COMMD7: variants seen among roughly 807,000 people sequenced by gnomAD.
The protein encoded by COMMD7 is COMM domain containing 7.
A neutral mutation model predicts 34.8 loss-of-function variants in COMMD7; 28 were observed. The ratio of observed to expected loss-of-function variants is 0.80; its 90% CI spans 0.60 to 1.10. The LOEUF is 1.10. Among genes scored for constraint, COMMD7 ranks in the 50% least tolerant of loss-of-function variants. COMMD7 has a pLI of 0.00. For synonymous variants in COMMD7, 80 were observed against 86.4 expected, an observed-to-expected ratio of 0.93 and a Z score of 0.41; for missense variants, 211 against 241.6, an observed-to-expected ratio of 0.87 and a Z score of 0.84.
At chr20:32,735,467 CT>C (rs1986088165) in intron 1 of COMMD7, among the ~76,000 whole-genome samples, 2 of 151,596 alleles carry the variant, frequency 1.3e-5, no homozygotes, top group African/African-American at 4.8e-5. Flanking sequence ...TAAGCGTGCA[CT>C]ACCATGCCCG....
chr20:32,725,312 A>T (rs530589034), intron 3 of COMMD7, among the ~76,000 whole-genome samples: 1 of 152,334 alleles, frequency 6.6e-6, no homozygotes, highest in African/African-American at 2.4e-5. Flanking sequence ...ATTAGTGTAC[A>T]TAAAAATATA....
intron 3 of COMMD7, among the ~76,000 whole-genome samples, chr20:32,726,973 G>C (rs549437812): frequency 2.3e-4 from 35 of 152,242 alleles, no homozygotes; most frequent in African/African-American, 7.9e-4. Flanking sequence ...GCTTATACCT[G>C]TAATCCTAGC....
At chr20:32,708,181 G>A (rs974536547) in intron 3 of COMMD7, among the ~76,000 whole-genome samples, 2 of 152,178 alleles carry the variant, frequency 1.3e-5, no homozygotes, top group Non-Finnish European at 2.9e-5. Flanking sequence ...TGAAAACAAA[G>A]CCAGCAATCT....
At chr20:32,738,460 G>A (rs1402250389) in intron 1 of COMMD7, among the ~76,000 whole-genome samples, 1 of 152,112 alleles carries the variant, frequency 6.6e-6, no homozygotes, top group Non-Finnish European at 1.5e-5. Context: ...GGTGGTGCAC[G>A]CCTGTAGTCC....
intron 1 of COMMD7, among the ~76,000 whole-genome samples, chr20:32,742,768 C>G (rs1164591586): frequency 6.6e-6 from 1 of 152,114 alleles, no homozygotes; most frequent in Non-Finnish European, 1.5e-5. Context: ...ATTACTGACA[C>G]TCATGTCACA....
intron 3 of COMMD7, among the ~76,000 whole-genome samples, chr20:32,723,078 C>CATGTTGG (rs1183292107): frequency 4.9e-5 from 2 of 40,712 alleles, no homozygotes; most frequent in African/African-American, 1.9e-4. Flanking sequence ...ACTTGTGATC[C>CATGTTGG]TCTCCCTCTC....
At chr20:32,725,465 G>A (rs1312975789) in intron 3 of COMMD7, among the ~76,000 whole-genome samples, 1 of 129,332 alleles carries the variant, frequency 7.7e-6, no homozygotes, top group Admixed American at 9.1e-5. Context: ...GTGTTGCTCC[G>A]TCGCCCAGGC....
chr20:32,739,735 T>G lies in COMMD7; in HGVS notation c.84+3573A>C, dbSNP rs1336602628. Among the ~76,000 whole-genome samples the G allele has an allele frequency of 5.3e-4, 74 of 139,420 alleles. 8 individuals are homozygous for G. Among genetic ancestry groups the G allele is most frequent in the Middle Eastern group, 7.5e-3 (2 of 266 alleles). The allele number at this position is 139,420 out of a possible 152,430, so 91.5% of individuals were successfully genotyped here. On this transcript the variant is annotated intron_variant, in intron 1 of 8. Transcript: ENST00000278980. ...CATAAGCGCTTGAAAAGGGCTAATC[T>G]GACCAGGGGTGGTGGCTCACTCCTG... is the stretch of plus-strand genomic sequence containing the variant.
At chr20:32,716,849 G>A (rs1445994772) in intron 3 of COMMD7, among the ~76,000 whole-genome samples, 1 of 145,678 alleles carries the variant, frequency 6.9e-6, no homozygotes, top group Non-Finnish European at 1.5e-5. Context: ...ATCTGGCCAT[G>A]GGTTAGTAAC....
chr20:32,722,575 T>C (rs1985235605), intron 3 of COMMD7, among the ~76,000 whole-genome samples: 1 of 151,576 alleles, frequency 6.6e-6, no homozygotes, highest in Non-Finnish European at 1.5e-5. Context: ...AATACAAAAA[T>C]TAGCCAGGCA....
chr20:32,713,749 CCTTATGAGGCTTCCATTCTA>C (rs1296059873), intron 3 of COMMD7, among the ~76,000 whole-genome samples: 2 of 152,184 alleles, frequency 1.3e-5, no homozygotes, highest in African/African-American at 4.8e-5. Context: ...CAATCTCTGC[CCTTATGAGGCTTCCATTCTA>C]CTGGCAGGAG....
At chr20:32,730,293 G>T (rs1308205288) in intron 1 of COMMD7, among the ~76,000 whole-genome samples, 1 of 152,014 alleles carries the variant, frequency 6.6e-6, no homozygotes, top group Non-Finnish European at 1.5e-5. Flanking sequence ...GGTGGCTCAC[G>T]CATGTAATCC....
At chr20:32,725,503 A>C (rs146805913) in intron 3 of COMMD7, among the ~76,000 whole-genome samples, 3,008 of 143,262 alleles carry the variant, frequency 0.021, 117 homozygotes, top group African/African-American at 0.073. Flanking sequence ...GTCTCAGCTC[A>C]CTGCAAACTC....
intron 3 of COMMD7, among the ~76,000 whole-genome samples, chr20:32,718,528 G>A (rs1481366359): frequency 2.0e-5 from 3 of 152,036 alleles, no homozygotes; most frequent in Admixed American, 6.6e-5. Context: ...GTGAAACCCC[G>A]TTTCTACTAA....
chr20:32,730,014 A>G (rs1985749049), intron 1 of COMMD7, among the ~76,000 whole-genome samples: 1 of 152,040 alleles, frequency 6.6e-6, no homozygotes, highest in South Asian at 2.1e-4. Flanking sequence ...CTCTGTCTCA[A>G]AAAAAAGAAA....
chr20:32,713,993 A>G lies in COMMD7; in HGVS notation c.242-7233T>C, dbSNP rs144480075. Among the ~76,000 whole-genome samples, 459 of 152,166 alleles carry G rather than the reference A, an allele frequency of 3.0e-3. 2 individuals are homozygous for G. The highest frequency in any genetic ancestry group is 0.011 in the African/African-American group (448 of 41,542). Reference sequence around the variant, plus strand: ...CTGAGCGTGGTGGTGAGCGCCTGTAATCGCAGCTACTTGGGAGGCTGAGGC... The same window carrying G: ...CTGAGCGTGGTGGTGAGCGCCTGTAGTCGCAGCTACTTGGGAGGCTGAGGC... On this transcript the variant is annotated intron_variant, in intron 3 of 8. Coordinates refer to ENST00000278980, the MANE Select transcript of COMMD7 (RefSeq NM_053041.3).
intron 1 of COMMD7, among the ~76,000 whole-genome samples, chr20:32,742,816 G>C (rs1986515380): frequency 6.6e-6 from 1 of 151,994 alleles, no homozygotes; most frequent in South Asian, 2.1e-4. Context: ...AAGCTTCCCC[G>C]GGCCCCCTCA....
chr20:32,720,811 G>T (rs1985106048), intron 3 of COMMD7, among the ~76,000 whole-genome samples: 1 of 152,098 alleles, frequency 6.6e-6, no homozygotes, highest in African/African-American at 2.4e-5. Flanking sequence ...ATAAAAAGAA[G>T]GAAAATACAG....
chr20:32,712,561 T>C (rs1984524435), intron 3 of COMMD7, among the ~76,000 whole-genome samples: 1 of 147,384 alleles, frequency 6.8e-6, no homozygotes, highest in African/African-American at 2.5e-5. Context: ...CAAACCACCA[T>C]GGCATACTAT....
Sources: gnomAD v4.1 joint callset for allele counts (sites outside exome capture counted in the v4.1 genomes callset) on GRCh38, gnomAD v4.1.1 for gene constraint, MANE v1.5 for transcripts, NCBI Gene and HGNC (gene_info 2026-07-23, HGNC 2026-07-21) for gene names.